Variants in CUBN observed in about 807,000 individuals in gnomAD.
CUBN encodes the protein 460 kDa receptor.
CUBN carries 282 observed loss-of-function variants against 405.3 expected under a neutral mutation model. The ratio of observed to expected loss-of-function variants is 0.70; its 90% CI spans 0.63 to 0.77. CUBN has a LOEUF of 0.77. CUBN is among the 30% of genes least tolerant of loss of function. The pLI, the probability that CUBN is intolerant of heterozygous loss-of-function variation, is 0.00. For synonymous variants in CUBN, 1,684 were observed against 1,617.0 expected, an observed-to-expected ratio of 1.04 and a Z score of -0.99; for missense variants, 4,514 against 4,475.2, an observed-to-expected ratio of 1.01 and a Z score of -0.25.
At chr10:17,107,929 TA>T (rs945335307) in intron 10 of CUBN, among the ~76,000 whole-genome samples, 15 of 152,208 alleles carry the variant, frequency 9.9e-5, no homozygotes, top group African/African-American at 3.6e-4. Context: ...TTACTTCTTT[TA>T]AAAATATTTA....
At chr10:17,016,942 G>A (rs1313959625) in intron 28 of CUBN, among the ~76,000 whole-genome samples, 1 of 152,138 alleles carries the variant, frequency 6.6e-6, no homozygotes, top group East Asian at 1.9e-4. Flanking sequence ...CAAGCTGCAG[G>A]ATAGTATTGT....
chr10:16,902,672 C>A (rs1441500691), intron 51 of CUBN, among the ~76,000 whole-genome samples: 1 of 152,068 alleles, frequency 6.6e-6, no homozygotes, highest in Non-Finnish European at 1.5e-5. Flanking sequence ...AAAACCATAA[C>A]TAAAACATAT....
chr10:16,942,863 A>AAGGGAAG (rs1564437989), intron 36 of CUBN, among the ~76,000 whole-genome samples: 71 of 129,852 alleles, frequency 5.5e-4, no homozygotes, highest in African/African-American at 2.0e-3. Context: ...GGGAAGGGAA[A>AAGGGAAG]GGAAGGGAAG....
intron 31 of CUBN, among the ~76,000 whole-genome samples, chr10:16,962,520 T>G (rs1009833234): frequency 2.0e-5 from 3 of 152,162 alleles, no homozygotes; most frequent in African/African-American, 7.2e-5. Flanking sequence ...CATGCCTCTG[T>G]GTAATCTCCT....
intron 27 of CUBN, among the ~76,000 whole-genome samples, chr10:17,039,726 G>T (rs1211327983): frequency 6.6e-6 from 1 of 152,146 alleles, no homozygotes; most frequent in Non-Finnish European, 1.5e-5. Context: ...GTACGTGCTT[G>T]TAAGTTTGTT....
At chr10:17,081,531 A>C (rs1429458205) in intron 17 of CUBN, among the ~76,000 whole-genome samples, 1 of 152,220 alleles carries the variant, frequency 6.6e-6, no homozygotes, top group Non-Finnish European at 1.5e-5. Flanking sequence ...TAGCTTTAAA[A>C]AATGAAGACA....
At chr10:16,990,539 C>T (rs768294291) in intron 28 of CUBN, 24 bp from the exon 29 acceptor site, 18 of 1,612,668 alleles carry the variant, frequency 1.1e-5, no homozygotes, top group Non-Finnish European at 8.5e-7. Flanking sequence ...AAGGTTCAGT[C>T]AGTTCAAAGT....
chr10:16,883,701 G>T (rs574376377), intron 56 of CUBN, among the ~76,000 whole-genome samples: 13 of 152,218 alleles, frequency 8.5e-5, no homozygotes, highest in Admixed American at 2.6e-4. Context: ...AGAGAATTTA[G>T]GCAAATATTA....
rs1352086308 is a variant in CUBN, at chr10:17,104,519, G to A, written c.1317C>T (p.Asn439=). ...CTENINECLS[N]PCLNGGTCVD... ...CACAAGTTCCTCCATTCAAACAGGG[G>A]TTGCTCAAACACTCATTGATGTTTT... Residue 439 remains asparagine (N), a synonymous_variant, in exon 12 of 67, where the codon AAC becomes AAT. Coordinates refer to ENST00000377833, the MANE Select transcript of CUBN (RefSeq NM_001081.4). 1.9e-6 allele frequency: 3 copies of A among 1,613,868 alleles called. No homozygotes were observed. The highest frequency in any genetic ancestry group is 1.6e-4 in the Middle Eastern group (1 of 6,062).
chr10:16,872,822 C>A (rs1469900433), intron 58 of CUBN, among the ~76,000 whole-genome samples: 4 of 152,370 alleles, frequency 2.6e-5, no homozygotes, highest in Admixed American at 1.3e-4. Context: ...CTTCACAGAA[C>A]TCCTGCTCCT....
chr10:17,077,408 G>C (rs1407010724), intron 17 of CUBN, among the ~76,000 whole-genome samples: 1 of 152,158 alleles, frequency 6.6e-6, no homozygotes, highest in African/African-American at 2.4e-5. Context: ...GTGGGCTTTT[G>C]AGCCTAGTGA....
chr10:16,882,166 G>A (rs548666661), intron 56 of CUBN, among the ~76,000 whole-genome samples: 2 of 152,226 alleles, frequency 1.3e-5, no homozygotes, highest in African/African-American at 2.4e-5. Flanking sequence ...GGCAGCATTC[G>A]ATCAGACATA....
chr10:16,914,228 A>T (rs886490238), intron 47 of CUBN, among the ~76,000 whole-genome samples: 1 of 152,088 alleles, frequency 6.6e-6, no homozygotes, highest in African/African-American at 2.4e-5. Flanking sequence ...AGTTATCATC[A>T]TGGCCCAAGA....
At chr10:17,035,288 G>A (rs1411134205) in intron 27 of CUBN, among the ~76,000 whole-genome samples, 1 of 152,062 alleles carries the variant, frequency 6.6e-6, no homozygotes, top group East Asian at 1.9e-4. Flanking sequence ...GTACACATAC[G>A]AACTAGCTAA....
intron 27 of CUBN, among the ~76,000 whole-genome samples, chr10:17,036,622 G>A (rs966261107): frequency 2.5e-4 from 38 of 152,178 alleles, no homozygotes; most frequent in African/African-American, 8.7e-4. Flanking sequence ...AAGGGAAAAC[G>A]TTCCAGCTTC....
chr10:16,924,060 C>A (rs117863333), intron 43 of CUBN, among the ~76,000 whole-genome samples: 1 of 152,050 alleles, frequency 6.6e-6, no homozygotes, highest in Non-Finnish European at 1.5e-5. Flanking sequence ...GACAGAGAGA[C>A]CCTGTCTCAA....
At chr10:17,077,315 G>A (rs533527917) in intron 17 of CUBN, among the ~76,000 whole-genome samples, 1 of 152,040 alleles carries the variant, frequency 6.6e-6, no homozygotes, top group Non-Finnish European at 1.5e-5. Context: ...AAAAAAAAAC[G>A]AGTTTTTGTA....
intron 53 of CUBN, 121 bp downstream of exon 53, chr10:16,900,504 G>A: frequency 1.2e-6 from 1 of 804,984 alleles, no homozygotes; most frequent in Non-Finnish European, 2.1e-6. Flanking sequence ...TGCTGCATGA[G>A]ATGACATGTG....
At chr10:16,881,588 T>C (rs1271127741) in intron 56 of CUBN, among the ~76,000 whole-genome samples, 1 of 152,246 alleles carries the variant, frequency 6.6e-6, no homozygotes, top group East Asian at 1.9e-4. Context: ...TAAGACAGTC[T>C]GCTTCTCAAA....
Sources: allele counts gnomAD v4.1 joint callset (sites outside exome capture counted in the v4.1 genomes callset), GRCh38; gene constraint gnomAD v4.1.1; transcripts MANE v1.5; gene names NCBI Gene and HGNC (gene_info 2026-07-23, HGNC 2026-07-21).